PSMB2: variants seen among roughly 807,000 people sequenced by gnomAD.
The protein encoded by PSMB2 is proteasome 20S subunit beta 2.
Under a neutral mutation model 25.7 loss-of-function variants are expected in PSMB2, and 13 were observed. The observed-to-expected ratio is 0.51, with a 90% confidence interval of 0.33 to 0.80. The LOEUF (loss-of-function observed/expected upper bound fraction) is 0.80. PSMB2 is among the 30% of genes least tolerant of loss of function. The pLI is 0.02. For missense variants in PSMB2, 202 were observed against 259.0 expected (o/e 0.78, Z 1.51); for synonymous variants, 87 against 96.2 (o/e 0.90, Z 0.56).
At chr1:35,622,054 T>C (rs1440484148) in intron 3 of PSMB2, among the ~76,000 whole-genome samples, 3 of 151,962 alleles carry the variant, frequency 2.0e-5, no homozygotes, top group Non-Finnish European at 4.4e-5. Flanking sequence ...ACATAGTAAA[T>C]ATACACGTAA....
chr1:35,627,771 A>T (rs1650910215), intron 3 of PSMB2, among the ~76,000 whole-genome samples: 1 of 152,212 alleles, frequency 6.6e-6, no homozygotes, highest in Non-Finnish European at 1.5e-5. Context: ...TAAGTCAGTA[A>T]GCAAATATTC....
In PSMB2 at chr1:35,599,754, G is replaced by A; in HGVS notation, c.*3513C>T. ...TATGGAGAAAGACCTGGAGAGGGAA[G>A]AGATTAAAAGTAGAGTGAAGTTAGG... On this transcript the variant is annotated 3_prime_UTR_variant, in exon 6 of 6. Coordinates refer to ENST00000373237, the MANE Select transcript of PSMB2 (RefSeq NM_002794.5). The A allele has an allele frequency of 1.0e-6, 1 of 983,266 alleles. No individual in the cohort carries two copies. Among genetic ancestry groups the A allele is most frequent in the Non-Finnish European group, 1.2e-6 (1 of 827,972 alleles). The allele number at this position is 983,266 out of a possible 1,614,324, so 60.9% of individuals were successfully genotyped here.
At chr1:35,631,370 C>T (rs773018235) in intron 2 of PSMB2, 26 bp from the exon 3 acceptor site, 19 of 1,612,326 alleles carry the variant, frequency 1.2e-5, no homozygotes, top group Non-Finnish European at 1.5e-5. Flanking sequence ...AAGAGTCATA[C>T]TTAAAGTAAA....
intron 3 of PSMB2, among the ~76,000 whole-genome samples, chr1:35,622,756 G>A (rs1309085689): frequency 1.3e-5 from 2 of 149,448 alleles, no homozygotes; most frequent in East Asian, 2.0e-4. Context: ...GGGAGGGGGA[G>A]GACTTTACAC....
At chr1:35,624,906 C>T (rs1650806272) in intron 3 of PSMB2, among the ~76,000 whole-genome samples, 1 of 152,032 alleles carries the variant, frequency 6.6e-6, no homozygotes, top group Non-Finnish European at 1.5e-5. Flanking sequence ...ACTAAAAATA[C>T]ACAAATTAGC....
intron 4 of PSMB2, 137 bp from the exon 5 acceptor site, chr1:35,605,419 CT>C (rs1260624441): frequency 2.3e-6 from 2 of 870,364 alleles, no homozygotes; most frequent in Non-Finnish European, 3.8e-6. Context: ...AATGCTTTGC[CT>C]TCTAGCCTGC....
chr1:35,617,604 G>A (rs749151741), intron 3 of PSMB2, among the ~76,000 whole-genome samples: 9 of 152,186 alleles, frequency 5.9e-5, no homozygotes, highest in African/African-American at 1.4e-4. Flanking sequence ...AGCATCATGC[G>A]ACATGATGAA....
intron 1 of PSMB2, among the ~76,000 whole-genome samples, chr1:35,637,790 T>C (rs1315721592): frequency 6.6e-6 from 1 of 152,216 alleles, no homozygotes; most frequent in Non-Finnish European, 1.5e-5. Flanking sequence ...AAACACACTT[T>C]TATTTGTTAT....
intron 5 of PSMB2, 64 bp downstream of exon 5, chr1:35,605,169 C>A (rs987904867): frequency 5.9e-5 from 88 of 1,491,200 alleles, no homozygotes; most frequent in Non-Finnish European, 6.2e-5. Context: ...AACTGAGGAA[C>A]AGGAACAACA....
At chr1:35,630,783 C>T (rs548415267) in intron 3 of PSMB2, among the ~76,000 whole-genome samples, 1 of 152,260 alleles carries the variant, frequency 6.6e-6, no homozygotes, top group South Asian at 2.1e-4. Context: ...ATACATTTGT[C>T]CAAACCCATA....
chr1:35,638,449 C>T (rs1317834280), intron 1 of PSMB2, among the ~76,000 whole-genome samples: 1 of 152,188 alleles, frequency 6.6e-6, no homozygotes, highest in Non-Finnish European at 1.5e-5. Flanking sequence ...CTCTGAACTT[C>T]GGCAAATTAC....
At chr1:35,609,193 C>G in intron 4 of PSMB2, 53 bp downstream of exon 4, 1 of 1,406,536 alleles carries the variant, frequency 7.1e-7, no homozygotes, top group Non-Finnish European at 9.3e-7. Context: ...ACCTGGGAAG[C>G]AGCTGAGGGC....
rs576701212 is a variant in PSMB2, at chr1:35,621,886, C to T, written c.285+9388G>A. ...TGGCATGTGCCTGTAGGCCCAGCTACTCGGGAGGCTGAGGCAGGAGAATTG... is the reference window on the plus strand; with the variant it reads ...TGGCATGTGCCTGTAGGCCCAGCTATTCGGGAGGCTGAGGCAGGAGAATTG... On this transcript the variant is annotated intron_variant, in intron 3 of 5. Coordinates refer to ENST00000373237, the MANE Select transcript of PSMB2 (RefSeq NM_002794.5). Among the ~76,000 whole-genome samples, 8 of 152,162 alleles carry T rather than the reference C, an allele frequency of 5.3e-5. No individual in the cohort carries two copies. In the South Asian group the frequency reaches 1.5e-3, roughly 28 times the overall value.
intron 3 of PSMB2, among the ~76,000 whole-genome samples, chr1:35,618,124 CGAT>C (rs1350761881): frequency 6.6e-6 from 1 of 151,740 alleles, no homozygotes; most frequent in African/African-American, 2.4e-5. Flanking sequence ...TCTAGACAGA[CGAT>C]GAGGACCAAA....
Position 35,603,248 on chromosome 1 carries a change from T to C in PSMB2, c.*19A>G, listed in dbSNP as rs375876920. Reference sequence around the variant, plus strand: ...CATCAAAAAAAAGTTCCCTGGCAAGTGGGAGGGAGGACATGATGTTAGGAG... The same window carrying C: ...CATCAAAAAAAAGTTCCCTGGCAAGCGGGAGGGAGGACATGATGTTAGGAG... On this transcript the variant is annotated 3_prime_UTR_variant, in exon 6 of 6. Transcript: ENST00000373237. 1 of 1,605,780 alleles carries C rather than the reference T, an allele frequency of 6.2e-7. No homozygotes were observed.
chr1:35,640,092 A>ATACTATACTATACTGTACTGTACTG (rs1557461635), intron 1 of PSMB2, among the ~76,000 whole-genome samples: 4 of 151,838 alleles, frequency 2.6e-5, no homozygotes, highest in African/African-American at 7.3e-5. Context: ...ATACTATACT[A>ATACTATACTATACTGTACTGTACTG]TACTATACTA....
At chr1:35,630,591 A>G (rs1480768342) in intron 3 of PSMB2, among the ~76,000 whole-genome samples, 3 of 152,230 alleles carry the variant, frequency 2.0e-5, no homozygotes, top group Non-Finnish European at 4.4e-5. Flanking sequence ...CAATCTGAAA[A>G]GGCTGCATAA....
chr1:35,639,238 A>G (rs1429614026), intron 1 of PSMB2, among the ~76,000 whole-genome samples: 1 of 152,192 alleles, frequency 6.6e-6, no homozygotes, highest in Non-Finnish European at 1.5e-5. Context: ...TGGGTGACAG[A>G]GCGAGACTCT....
chr1:35,640,828 T>C (rs1651371485), intron 1 of PSMB2, among the ~76,000 whole-genome samples: 1 of 152,090 alleles, frequency 6.6e-6, no homozygotes, highest in South Asian at 2.1e-4. Context: ...TTTAGGCAAC[T>C]CTCACCAAGC....
Sources: allele counts gnomAD v4.1 joint callset (sites outside exome capture counted in the v4.1 genomes callset), GRCh38; gene constraint gnomAD v4.1.1; transcripts MANE v1.5; gene names NCBI Gene and HGNC (gene_info 2026-07-23, HGNC 2026-07-21).